VTA1: variants seen among roughly 807,000 people sequenced by gnomAD.
VTA1 encodes vacuolar protein sorting-associated protein VTA1 homolog.
VTA1 carries 24 observed loss-of-function variants against 36.9 expected under a neutral mutation model. The observed-to-expected ratio is 0.65, with a 90% CI of 0.47 to 0.91. VTA1 has a LOEUF of 0.91. Ranked by LOEUF, VTA1 falls within the 40% of genes least tolerant of loss-of-function variation. The pLI, the probability that VTA1 is intolerant of heterozygous loss-of-function variation, is 0.00. For missense variants in VTA1, 393 were observed against 377.2 expected, an observed-to-expected ratio of 1.04 and a Z score of -0.35; for synonymous variants, 142 against 130.2, an observed-to-expected ratio of 1.09 and a Z score of -0.62.
At chr6:142,172,008 A>G (rs1455646396) in intron 4 of VTA1, among the ~76,000 whole-genome samples, 1 of 152,148 alleles carries the variant, frequency 6.6e-6, no homozygotes, top group Non-Finnish European at 1.5e-5. Context: ...GTGACAAATG[A>G]AGGACTTTTC....
At chr6:142,152,510 A>G (rs1014283805) in intron 1 of VTA1, among the ~76,000 whole-genome samples, 5 of 152,244 alleles carry the variant, frequency 3.3e-5, no homozygotes, top group Non-Finnish European at 5.9e-5. Flanking sequence ...CAGAACCCCA[A>G]TAGTCTACTC....
intron 5 of VTA1, 32 bp downstream of exon 5, chr6:142,189,566 TTAG>T: frequency 6.5e-7 from 1 of 1,548,210 alleles, no homozygotes; most frequent in African/African-American, 1.4e-5. Context: ...GTAAAAGGAC[TTAG>T]TAGAATCATA....
intron 1 of VTA1, among the ~76,000 whole-genome samples, chr6:142,161,084 C>G (rs225645): frequency 7.3e-6 from 1 of 136,370 alleles, no homozygotes; most frequent in South Asian, 2.4e-4. Flanking sequence ...TCCTTCCCCC[C>G]CCCCCCTTTT....
At chr6:142,200,646 TAC>T (rs1775666795) in intron 6 of VTA1, among the ~76,000 whole-genome samples, 1 of 152,020 alleles carries the variant, frequency 6.6e-6, no homozygotes, top group African/African-American at 2.4e-5. Flanking sequence ...TTCAAACTAA[TAC>T]ACAGTGTATC....
Position 142,221,930 on chromosome 6 carries a change from C to A in VTA1, c.*3287C>A, listed in dbSNP as rs1318078873. On this transcript the variant is annotated 3_prime_UTR_variant, in exon 8 of 8. Transcript: ENST00000367630. ...AGGTTGCAGTGAGCCGAGATCGTGC[C>A]ACTGCACTCCAGCCTGGGCGACAGA... 1 of 150,966 alleles carries A rather than the reference C, an allele frequency of 6.6e-6. No individual in the cohort carries two copies. Among genetic ancestry groups the A allele is most frequent in the Non-Finnish European group, 1.5e-5 (1 of 67,976 alleles). 9.4% of individuals were successfully genotyped at this position (150,966 alleles called of 1,614,324 possible). A position where few individuals can be genotyped will look rare whatever the true frequency, so the allele number is the denominator to read the frequency against.
rs534065952 is a variant in VTA1, at chr6:142,185,866, A to T, written c.412-3560A>T. Among the ~76,000 whole-genome samples, 27 of 152,260 alleles carry T rather than the reference A, an allele frequency of 1.8e-4. No homozygotes were observed. In the South Asian group the frequency reaches 3.9e-3, roughly 22 times the overall value. ...AATCAGTTAAGCTTTCATACATTGG[A>T]GATATGTATACTTCCTGAGCAACTA... On this transcript the variant is annotated intron_variant, in intron 4 of 7. Transcript: ENST00000367630.
intron 3 of VTA1, 84 bp from the exon 4 acceptor site, chr6:142,170,261 GA>G (rs1398549115): frequency 2.0e-5 from 19 of 948,274 alleles, no homozygotes; most frequent in Non-Finnish European, 4.9e-6. Flanking sequence ...ATAAAGATAG[GA>G]ATTTTTTTTC....
At chr6:142,157,189 C>T (rs1425050368) in intron 1 of VTA1, among the ~76,000 whole-genome samples, 1 of 152,150 alleles carries the variant, frequency 6.6e-6, no homozygotes, top group Non-Finnish European at 1.5e-5. Flanking sequence ...TAATAACTTG[C>T]CTCTTACTAT....
At chr6:142,164,878 G>T (rs1774885116) in intron 1 of VTA1, among the ~76,000 whole-genome samples, 1 of 152,166 alleles carries the variant, frequency 6.6e-6, no homozygotes, top group Non-Finnish European at 1.5e-5. Flanking sequence ...TGTCCTAGAT[G>T]CCAGGGATAC....
chr6:142,173,283 T>C (rs553830248), intron 4 of VTA1, among the ~76,000 whole-genome samples: 1 of 152,252 alleles, frequency 6.6e-6, no homozygotes, highest in South Asian at 2.1e-4. Context: ...ATTTTTGCAG[T>C]GTAAGAGGAA....
At chr6:142,194,781 T>A (rs1775516232) in intron 5 of VTA1, among the ~76,000 whole-genome samples, 1 of 152,098 alleles carries the variant, frequency 6.6e-6, no homozygotes, top group Non-Finnish European at 1.5e-5. Flanking sequence ...ATGTCCATTG[T>A]TTTGTTTTGT....
At chr6:142,194,415 A>G (rs1775508007) in intron 5 of VTA1, among the ~76,000 whole-genome samples, 1 of 152,026 alleles carries the variant, frequency 6.6e-6, no homozygotes, top group Non-Finnish European at 1.5e-5. Flanking sequence ...CATTTATTTA[A>G]GTTTTCTGTA....
chr6:142,149,956 T>C (rs1344494231), intron 1 of VTA1, among the ~76,000 whole-genome samples: 2 of 152,224 alleles, frequency 1.3e-5, no homozygotes, highest in South Asian at 4.1e-4. Context: ...TTCTGTCATT[T>C]TTTTTTATCT....
chr6:142,166,790 T>G (rs1774925750), intron 2 of VTA1, among the ~76,000 whole-genome samples: 1 of 152,062 alleles, frequency 6.6e-6, no homozygotes. Context: ...GCCCGGCTAG[T>G]TTTTTTGTAT....
At position 142,148,117 on chromosome 6, in the gene VTA1, T is replaced by C. The variant is rs538381473; in HGVS notation, c.112+718T>C. The stretch of plus-strand genomic sequence containing the variant: ...AGTGCCAGTAATTCTGTGTTAACTT[T>C]ATTTTGTATTCTGTACTCTTAACTT... On this transcript the variant is annotated intron_variant, in intron 1 of 7. Coordinates refer to ENST00000367630, the MANE Select transcript of VTA1 (RefSeq NM_016485.5). 1.2e-4 allele frequency among the ~76,000 whole-genome samples: 18 copies of C among 152,334 alleles called. No individual in the cohort carries two copies. The South Asian group carries it at 3.7e-3, about 32-fold the overall frequency.
chr6:142,168,624 G>A (rs1774967451), intron 2 of VTA1, among the ~76,000 whole-genome samples: 1 of 151,332 alleles, frequency 6.6e-6, no homozygotes, highest in African/African-American at 2.4e-5. Flanking sequence ...TTGATTGCAG[G>A]TATATATTTG....
intron 4 of VTA1, among the ~76,000 whole-genome samples, chr6:142,182,533 G>T (rs1775262003): frequency 6.7e-6 from 1 of 148,598 alleles, no homozygotes; most frequent in African/African-American, 2.5e-5. Context: ...GTAGTGGTTG[G>T]ATTCTGGATA....
intron 4 of VTA1, among the ~76,000 whole-genome samples, chr6:142,181,226 C>A (rs1196407167): frequency 6.8e-6 from 1 of 146,190 alleles, no homozygotes; most frequent in Admixed American, 6.8e-5. Flanking sequence ...CTCCGCTTCC[C>A]GGGTTCATGC....
Position 142,147,358 on chromosome 6 carries a change from C to A in VTA1, c.71C>A (p.Ala24Asp). The change falls in exon 1 of 8, where the codon GCT (alanine) becomes GAT (aspartate). Residue 24 changes from alanine (A) to aspartate (D), a missense_variant. Coordinates refer to ENST00000367630, the MANE Select transcript of VTA1 (RefSeq NM_016485.5). ...AGCATACAGCATCATCTGAGGACGG[C>A]TCAGGAGCATGACAAGCGAGACCCT... Reference protein sequence around the residue: ...FKSIQHHLRTAQEHDKRDPVV... With the variant: ...FKSIQHHLRTDQEHDKRDPVV... 6.2e-7 allele frequency: 1 copy of A among 1,614,236 alleles called. No homozygotes were observed. Among genetic ancestry groups the A allele is most frequent in the African/African-American group, 1.3e-5 (1 of 75,076 alleles).
Sources: gnomAD v4.1 joint callset for allele counts (sites outside exome capture counted in the v4.1 genomes callset) on GRCh38, gnomAD v4.1.1 for gene constraint, MANE v1.5 for transcripts, NCBI Gene and HGNC (gene_info 2026-07-23, HGNC 2026-07-21) for gene names.